TG: variants seen among roughly 807,000 people sequenced by gnomAD.
TG encodes the protein thyroid hormones.
TG carries 270 observed loss-of-function variants against 324.7 expected under a neutral mutation model. That is an observed-to-expected ratio of 0.83 (90% confidence interval 0.75 to 0.92). The LOEUF (loss-of-function observed/expected upper bound fraction) is 0.92. Among genes scored for constraint, TG ranks in the 40% least tolerant of loss-of-function variants. The pLI is 0.00. For missense variants in TG, 3,591 were observed against 3,456.4 expected, an observed-to-expected ratio of 1.04 and a Z score of -0.98; for synonymous variants, 1,401 against 1,327.0, an observed-to-expected ratio of 1.06 and a Z score of -1.21.
At chr8:133,017,081 G>A (rs529630367) in intron 37 of TG, among the ~76,000 whole-genome samples, 1 of 152,284 alleles carries the variant, frequency 6.6e-6, no homozygotes, top group African/African-American at 2.4e-5. Flanking sequence ...TGTGCATGGG[G>A]TGTGGTCAGA....
chr8:133,034,170 T>A (rs1587816202), intron 41 of TG, among the ~76,000 whole-genome samples: 1 of 152,236 alleles, frequency 6.6e-6, no homozygotes, highest in African/African-American at 2.4e-5. Flanking sequence ...ATATTTTTGC[T>A]GGGAGTTGGA....
intron 34 of TG, 53 bp downstream of exon 34, chr8:132,972,794 C>T: frequency 6.2e-7 from 1 of 1,608,594 alleles, no homozygotes; most frequent in Non-Finnish European, 8.5e-7. Context: ...AACTATTTCC[C>T]AGCCATGCAT....
chr8:132,964,479 AG>A (rs1828247863), intron 29 of TG: 1 of 160,034 alleles, frequency 6.2e-6, no homozygotes, highest in East Asian at 1.8e-4. Context: ...GGTGCTTCTC[AG>A]GGTCCATGAG....
intron 20 of TG, among the ~76,000 whole-genome samples, chr8:132,913,800 A>C (rs1483983161): frequency 6.6e-6 from 1 of 152,154 alleles, no homozygotes; most frequent in Non-Finnish European, 1.5e-5. Flanking sequence ...AATGACCAAA[A>C]ATTTTGTGGC....
At chr8:132,994,977 C>T (rs1020702577) in intron 35 of TG, 2 of 977,272 alleles carry the variant, frequency 2.0e-6, no homozygotes, top group African/African-American at 3.7e-5. Context: ...TTAAATTTCC[C>T]TTTAAATTTT....
chr8:133,102,699 A>G, intron 43 of TG: 1 of 809,342 alleles, frequency 1.2e-6, no homozygotes, highest in Non-Finnish European at 2.0e-6. Flanking sequence ...AACTGGTGAA[A>G]TTGACAGTCT....
intron 35 of TG, among the ~76,000 whole-genome samples, chr8:133,003,833 G>T (rs1038090241): frequency 6.6e-6 from 1 of 152,106 alleles, no homozygotes; most frequent in African/African-American, 2.4e-5. Flanking sequence ...TTTGCAGGGG[G>T]TATCACCATA....
intron 41 of TG, among the ~76,000 whole-genome samples, chr8:133,063,890 G>T (rs2131358939): frequency 6.6e-6 from 1 of 152,346 alleles, no homozygotes; most frequent in East Asian, 1.9e-4. Flanking sequence ...TCTCTCTAAT[G>T]AAATGGCTGA....
intron 36 of TG, among the ~76,000 whole-genome samples, chr8:133,012,604 A>C (rs1408201238): frequency 3.3e-5 from 5 of 152,250 alleles, no homozygotes; most frequent in Admixed American, 6.5e-5. Context: ...AGCTTCTGAA[A>C]GAGGGAGACA....
chr8:133,108,970 G>T (rs141963103), intron 43 of TG, among the ~76,000 whole-genome samples: 5 of 152,296 alleles, frequency 3.3e-5, no homozygotes, highest in African/African-American at 7.2e-5. Flanking sequence ...TGCATGTTTC[G>T]TTGGGATCTG....
At position 132,967,946 on chromosome 8, in the gene TG, C is replaced by G; in HGVS notation, c.5839C>G (p.Pro1947Ala). The G allele has an allele frequency of 6.2e-7, 1 of 1,613,784 alleles. No individual in the cohort carries two copies. Among genetic ancestry groups the G allele is most frequent in the Non-Finnish European group, 8.5e-7 (1 of 1,179,866 alleles). ...QGCRLILPQMPKALFRKKVIL... is the reference protein window; with the variant it reads ...QGCRLILPQMAKALFRKKVIL... ...CTGCAGACTGATCCTGCCTCAGATG[C>G]CAAAGGCCCTGTTCCGGAAGAAAGG... is the stretch of plus-strand genomic sequence containing the variant. Residue 1947 changes from proline to alanine, a missense_variant, in exon 31 of 48, where the codon CCA becomes GCA. By Grantham distance (27) the Pro-to-Ala change is conservative. Coordinates refer to ENST00000220616, the MANE Select transcript of TG (RefSeq NM_003235.5).
chr8:132,873,249 C>T (rs760028086), intron 5 of TG, 28 bp downstream of exon 5: 2 of 1,613,454 alleles, frequency 1.2e-6, no homozygotes, highest in South Asian at 2.2e-5. Flanking sequence ...GTGCCAGTCA[C>T]TGGGCCATCA....
chr8:132,892,589 G>A (rs1237373683), intron 10 of TG, among the ~76,000 whole-genome samples: 3 of 152,306 alleles, frequency 2.0e-5, no homozygotes, highest in Non-Finnish European at 4.4e-5. Flanking sequence ...CCAGGTTGTG[G>A]AAAGAGCTGC....
At chr8:133,053,432 C>A (rs1473077233) in intron 41 of TG, among the ~76,000 whole-genome samples, 4 of 152,170 alleles carry the variant, frequency 2.6e-5, no homozygotes, top group Non-Finnish European at 4.4e-5. Context: ...TGCTGCAATG[C>A]CCCTTAAATA....
chr8:133,058,958 G>T, intron 41 of TG: 1 of 480,012 alleles, frequency 2.1e-6, no homozygotes, highest in East Asian at 6.3e-5. Flanking sequence ...CTGGCTTGGG[G>T]GCATTGGAGG....
At chr8:133,090,508 A>G (rs1847322917) in intron 41 of TG, among the ~76,000 whole-genome samples, 1 of 152,256 alleles carries the variant, frequency 6.6e-6, no homozygotes. Context: ...CTTTGCATGT[A>G]GAGGCACTTT....
intron 20 of TG, among the ~76,000 whole-genome samples, chr8:132,917,007 C>T (rs1820388405): frequency 9.9e-6 from 1 of 101,510 alleles, no homozygotes; most frequent in Non-Finnish European, 2.2e-5. Context: ...CCAACCCTCC[C>T]TCCCTTCCTC....
At chr8:133,025,090 G>C (rs7000428) in intron 40 of TG, among the ~76,000 whole-genome samples, 31,365 of 152,086 alleles carry the variant, frequency 0.21, 3,617 homozygotes, top group African/African-American at 0.29. Context: ...TTGCGCCTCC[G>C]TGCTCTTCAG....
At chr8:132,966,045 A>C (rs1828516352) in intron 29 of TG, among the ~76,000 whole-genome samples, 1 of 152,256 alleles carries the variant, frequency 6.6e-6, no homozygotes. Flanking sequence ...CTGACTTTGT[A>C]GATGAAGACT....
Sources: gnomAD v4.1 joint callset for allele counts (sites outside exome capture counted in the v4.1 genomes callset) on GRCh38, gnomAD v4.1.1 for gene constraint, MANE v1.5 for transcripts, NCBI Gene and HGNC (gene_info 2026-07-23, HGNC 2026-07-21) for gene names.